The following DNAJC13 variants were observed in gnomAD, a reference collection of about 807,000 sequenced individuals.
DNAJC13 encodes dnaJ homolog subfamily C member 13.
A neutral mutation model predicts 290.5 loss-of-function variants in DNAJC13; 75 were observed. The ratio of observed to expected loss-of-function variants is 0.26; its 90% CI spans 0.21 to 0.31. DNAJC13 has a LOEUF of 0.31. Ranked by LOEUF, DNAJC13 falls within the 10% of genes least tolerant of loss-of-function variation. DNAJC13 has a pLI of 1.00. For missense variants in DNAJC13, 2,260 were observed against 2,674.5 expected, an observed-to-expected ratio of 0.85 and a Z score of 3.42; for synonymous variants, 862 against 892.0, an observed-to-expected ratio of 0.97 and a Z score of 0.60.
intron 46 of DNAJC13, among the ~76,000 whole-genome samples, chr3:132,516,168 G>A (rs1381340766): frequency 6.6e-6 from 1 of 152,148 alleles, no homozygotes; most frequent in African/African-American, 2.4e-5. Context: ...TATGAATATG[G>A]ACTTTGGAGG....
intron 26 of DNAJC13, among the ~76,000 whole-genome samples, chr3:132,481,205 T>C (rs547751156): frequency 8.5e-5 from 13 of 152,318 alleles, no homozygotes; most frequent in African/African-American, 3.1e-4. Flanking sequence ...ACAACTTTGC[T>C]GTACCTCTCT....
Position 132,456,394 on chromosome 3 carries a change from G to T in DNAJC13, c.1092G>T (p.Thr364=), listed in dbSNP as rs779441255. ...GCCTTCACCTCAGGTTCTTAGCTACGCCTCCAAGTAAGTATTGATTTAAAT... is the reference window on the plus strand; with the variant it reads ...GCCTTCACCTCAGGTTCTTAGCTACTCCTCCAAGTAAGTATTGATTTAAAT... ...VESLHLRFLA[T]PPNGNFADAV... Residue 364 remains threonine, a synonymous_variant, in exon 10 of 56, where the codon ACG becomes ACT. Coordinates refer to ENST00000260818, the MANE Select transcript of DNAJC13 (RefSeq NM_015268.4). The T allele has an allele frequency of 6.2e-7, 1 of 1,612,532 alleles. No individual in the cohort carries two copies. Among genetic ancestry groups the T allele is most frequent in the Non-Finnish European group, 8.5e-7 (1 of 1,179,490 alleles).
intron 48 of DNAJC13, among the ~76,000 whole-genome samples, chr3:132,518,459 C>T (rs1935989540): frequency 6.6e-6 from 1 of 152,046 alleles, no homozygotes; most frequent in African/African-American, 2.4e-5. Context: ...CTCAAGCCAT[C>T]CTCCCATCTC....
chr3:132,428,744 A>G (rs1939168691), intron 1 of DNAJC13, among the ~76,000 whole-genome samples: 1 of 151,984 alleles, frequency 6.6e-6, no homozygotes, highest in Admixed American at 6.6e-5. Flanking sequence ...GAAATGTCCT[A>G]CCTCCCCCCA....
rs185789723 is a variant in DNAJC13, at chr3:132,463,833, C to T, written c.1892+16C>T. The T allele has an allele frequency of 6.3e-7, 1 of 1,596,504 alleles. No individual in the cohort carries two copies. Among genetic ancestry groups the T allele is most frequent in the African/African-American group, 1.3e-5 (1 of 74,348 alleles). ...TTACAAATAGGTAGGTGATTTAATT[C>T]AATTTGCTGCAATTTAACTTCCTGT... On this transcript the variant is annotated intron_variant, in intron 17 of 55. Transcript: ENST00000260818.
chr3:132,532,026 C>A (rs1443004467), intron 55 of DNAJC13, among the ~76,000 whole-genome samples: 1 of 152,116 alleles, frequency 6.6e-6, no homozygotes, highest in Non-Finnish European at 1.5e-5. Flanking sequence ...ATAAGTCAGA[C>A]TCTTGCTGAA....
chr3:132,526,271 T>G lies in DNAJC13; in HGVS notation c.6371T>G (p.Leu2124Ter). 1 of 1,613,984 alleles carries G rather than the reference T, an allele frequency of 6.2e-7. No individual in the cohort carries two copies. The highest frequency in any genetic ancestry group is 8.5e-7 in the Non-Finnish European group (1 of 1,179,926). The change falls in exon 53 of 56, where the codon TTA becomes TGA. Residue 2124 changes from leucine to a stop codon, truncating the protein, a stop_gained. Transcript: ENST00000260818. LOFTEE classifies it high-confidence loss of function. ...ATGTTTCAGAAGGAGCAGAGTGAAT[T>G]AGTAGCACAAGTAAGTGACTTTCTA... ...NRMFQKEQSELVAQALKADLV... is the reference protein window; with the variant it reads ...NRMFQKEQSE
intron 50 of DNAJC13, 109 bp downstream of exon 50, chr3:132,523,308 T>C: frequency 1.5e-6 from 2 of 1,343,506 alleles, no homozygotes; most frequent in East Asian, 2.4e-5. Flanking sequence ...TCAAGACTCT[T>C]GGGTATTCCC....
At chr3:132,516,292 C>G in intron 46 of DNAJC13, 130 bp from the exon 47 acceptor site, 2 of 828,014 alleles carry the variant, frequency 2.4e-6, no homozygotes, top group Non-Finnish European at 3.9e-6. Context: ...ACCTGTCTCA[C>G]TGGTTATTAT....
rs200845474 is a variant in DNAJC13 at position 132,526,100 on chromosome 3, T to C, written c.6241-41T>C. On this transcript the variant is annotated intron_variant, in intron 52 of 55. Transcript: ENST00000260818. ...TATGGTATTTACTATGTTATATAAA[T>C]ATTGCCAGTCTACAAGTAACCTTCT... 2.7e-5 allele frequency: 43 copies of C among 1,609,080 alleles called. No homozygotes were observed. The African/African-American group carries it at 4.7e-4, about 18-fold the overall frequency.
chr3:132,471,421 C>G (rs202162766), intron 20 of DNAJC13, among the ~76,000 whole-genome samples: 1 of 144,394 alleles, frequency 6.9e-6, no homozygotes, highest in African/African-American at 2.5e-5. Context: ...GGGTGGCTGC[C>G]GGGCGGAGAG....
rs979951834 is a variant in DNAJC13, at chr3:132,444,985, TATC to T, written c.69-1487_69-1485del. 4.3e-4 allele frequency among the ~76,000 whole-genome samples: 65 copies of T among 152,320 alleles called. 1 individual carries two copies. Among genetic ancestry groups the T allele is most frequent in the African/African-American group, 1.3e-3 (54 of 41,586 alleles). ...TATGTGGTAAAGATTAATAAAATCT[TATC>T]ATTTCCTTTTTACCTAAATGGAAAT... On this transcript the variant is annotated intron_variant, in intron 2 of 55. Coordinates refer to ENST00000260818, the MANE Select transcript of DNAJC13 (RefSeq NM_015268.4).
intron 29 of DNAJC13, among the ~76,000 whole-genome samples, chr3:132,486,264 G>A (rs913077801): frequency 6.6e-6 from 1 of 151,842 alleles, no homozygotes; most frequent in Non-Finnish European, 1.5e-5. Flanking sequence ...CCATGTGGCT[G>A]CATATGTGAG....
chr3:132,521,523 G>GA (rs1164558646), intron 48 of DNAJC13, among the ~76,000 whole-genome samples: 1 of 152,182 alleles, frequency 6.6e-6, no homozygotes, highest in East Asian at 1.9e-4. Flanking sequence ...GCTCCACAGT[G>GA]AAAAAATTGA....
chr3:132,528,632 T>G (rs1936328893), intron 54 of DNAJC13, among the ~76,000 whole-genome samples: 1 of 152,250 alleles, frequency 6.6e-6, no homozygotes, highest in African/African-American at 2.4e-5. Context: ...TGCTTAAGAT[T>G]AACTTTCAGC....
intron 38 of DNAJC13, 118 bp downstream of exon 38, chr3:132,499,926 C>A: frequency 1.2e-6 from 1 of 862,764 alleles, no homozygotes; most frequent in Non-Finnish European, 1.8e-6. Flanking sequence ...CTCCACCCCA[C>A]CCCAAGTTTC....
chr3:132,428,027 T>C (rs1416085776), intron 1 of DNAJC13, among the ~76,000 whole-genome samples: 1 of 152,208 alleles, frequency 6.6e-6, no homozygotes, highest in Non-Finnish European at 1.5e-5. Flanking sequence ...CTAGTTAACG[T>C]ATAGCATGTG....
intron 1 of DNAJC13, among the ~76,000 whole-genome samples, chr3:132,432,030 G>A (rs985099279): frequency 3.9e-5 from 6 of 152,018 alleles, no homozygotes; most frequent in East Asian, 1.9e-4. Flanking sequence ...GTCTCAAGCC[G>A]TTATAAAAAT....
chr3:132,445,436 T>C (rs1436433663), intron 2 of DNAJC13, among the ~76,000 whole-genome samples: 1 of 152,084 alleles, frequency 6.6e-6, no homozygotes, highest in Non-Finnish European at 1.5e-5. Flanking sequence ...TTTTTTCTTA[T>C]TGTATTGTCT....
Sources: allele counts gnomAD v4.1 joint callset (sites outside exome capture counted in the v4.1 genomes callset), GRCh38; gene constraint gnomAD v4.1.1; transcripts MANE v1.5; gene names NCBI Gene and HGNC (gene_info 2026-07-23, HGNC 2026-07-21).